Variants in RBFOX1 observed in about 807,000 individuals in gnomAD.
RBFOX1 encodes the protein RNA binding protein fox-1 homolog 1.
In RBFOX1, 8 loss-of-function variants were observed where a neutral mutation model predicts 57.7. The ratio of observed to expected loss-of-function variants is 0.14; its 90% CI spans 0.08 to 0.25. The LOEUF is 0.25. Among genes scored for constraint, RBFOX1 ranks in the 10% least tolerant of loss-of-function variants. RBFOX1 has a pLI of 1.00. For synonymous variants in RBFOX1, 326 were observed against 222.4 expected (o/e 1.47, Z -4.15); for missense variants, 611 against 548.5 (o/e 1.11, Z -1.14).
chr16:5,524,772 C>G (rs941016995), intron 2 of RBFOX1, among the ~76,000 whole-genome samples: 13 of 152,016 alleles, frequency 8.6e-5, no homozygotes, highest in South Asian at 4.2e-4. Flanking sequence ...AACTCCTGAC[C>G]TCAAGTAATC....
At chr16:7,394,888 G>A (rs960835946) in intron 4 of RBFOX1, among the ~76,000 whole-genome samples, 9 of 151,950 alleles carry the variant, frequency 5.9e-5, no homozygotes, top group East Asian at 1.9e-4. Flanking sequence ...CCTCCTTGCC[G>A]TCCCCTGCAG....
At chr16:5,439,178 G>C (rs953428433) in intron 1 of RBFOX1, among the ~76,000 whole-genome samples, 1 of 152,052 alleles carries the variant, frequency 6.6e-6, no homozygotes, top group Non-Finnish European at 1.5e-5. Context: ...CTGTGCAGCT[G>C]GGCCCTGGTG....
intron 4 of RBFOX1, among the ~76,000 whole-genome samples, chr16:7,394,886 C>G (rs1370487122): frequency 6.6e-6 from 1 of 152,326 alleles, no homozygotes; most frequent in South Asian, 2.1e-4. Context: ...ACCCTCCTTG[C>G]CGTCCCCTGC....
At chr16:7,702,353 C>A (rs889991148) in intron 14 of RBFOX1, among the ~76,000 whole-genome samples, 1 of 152,204 alleles carries the variant, frequency 6.6e-6, no homozygotes, top group Non-Finnish European at 1.5e-5. Context: ...TCTGACCCCA[C>A]AGAATCCCCA....
intron 2 of RBFOX1, among the ~76,000 whole-genome samples, chr16:6,326,033 T>C (rs2082331141): frequency 6.6e-6 from 1 of 152,228 alleles, no homozygotes; most frequent in Non-Finnish European, 1.5e-5. Flanking sequence ...TGTGTGTGTG[T>C]GTACATGCAT....
chr16:6,618,018 C>T (rs2098168718), intron 2 of RBFOX1, among the ~76,000 whole-genome samples: 1 of 152,114 alleles, frequency 6.6e-6, no homozygotes, highest in East Asian at 1.9e-4. Context: ...CTGGCAAATA[C>T]CTCCTCATAT....
intron 3 of RBFOX1, among the ~76,000 whole-genome samples, chr16:6,700,564 A>T (rs2061671779): frequency 1.3e-5 from 2 of 152,102 alleles, no homozygotes; most frequent in African/African-American, 2.4e-5. Flanking sequence ...AGGCTGAGGC[A>T]AGAGAATTGC....
intron 2 of RBFOX1, among the ~76,000 whole-genome samples, chr16:6,358,276 T>C (rs1025413046): frequency 4.6e-5 from 7 of 152,194 alleles, no homozygotes; most frequent in African/African-American, 1.2e-4. Context: ...CATCATGTAA[T>C]TTTCCAGTAC....
At chr16:6,722,674 C>T (rs989473935) in intron 3 of RBFOX1, among the ~76,000 whole-genome samples, 6 of 152,168 alleles carry the variant, frequency 3.9e-5, no homozygotes, top group Admixed American at 3.9e-4. Context: ...GGCTAAAATT[C>T]TGTGTCTCTC....
chr16:5,906,163 TGGTG>T (rs2058450291), intron 4 of RBFOX1, among the ~76,000 whole-genome samples: 1 of 152,180 alleles, frequency 6.6e-6, no homozygotes, highest in Non-Finnish European at 1.5e-5. Flanking sequence ...TCCCCCAGAC[TGGTG>T]AAGTCCTAGG....
chr16:7,665,258 C>A (rs2068897504), intron 13 of RBFOX1, among the ~76,000 whole-genome samples: 1 of 152,136 alleles, frequency 6.6e-6, no homozygotes, highest in African/African-American at 2.4e-5. Flanking sequence ...CCCACTTCAC[C>A]CACAAAGAAA....
intron 14 of RBFOX1, among the ~76,000 whole-genome samples, chr16:7,702,365 G>C (rs998300674): frequency 6.6e-6 from 1 of 152,146 alleles, no homozygotes; most frequent in African/African-American, 2.4e-5. Context: ...GAATCCCCAA[G>C]AAGCTGAGGG....
chr16:5,871,583 C>T (rs1190900439), intron 4 of RBFOX1, among the ~76,000 whole-genome samples: 1 of 152,134 alleles, frequency 6.6e-6, no homozygotes. Context: ...AACGAAGTTA[C>T]CTGGGCGCAG....
chr16:7,173,996 A>G (rs1015687653), intron 4 of RBFOX1, among the ~76,000 whole-genome samples: 8 of 152,344 alleles, frequency 5.3e-5, no homozygotes, highest in East Asian at 1.9e-4. Flanking sequence ...AGTTCAGTCA[A>G]TCACAGTGAA....
At chr16:6,113,034 C>A (rs969544994) in intron 1 of RBFOX1, among the ~76,000 whole-genome samples, 1 of 152,144 alleles carries the variant, frequency 6.6e-6, no homozygotes, top group Non-Finnish European at 1.5e-5. Context: ...GTGTAACAAA[C>A]CATCCTAAAG....
At chr16:5,276,851 A>G (rs189779357) in intron 1 of RBFOX1, among the ~76,000 whole-genome samples, 2 of 152,344 alleles carry the variant, frequency 1.3e-5, no homozygotes, top group East Asian at 3.9e-4. Flanking sequence ...GTGGGAATGT[A>G]AGCTAGTACC....
At chr16:7,325,152 T>C (rs550245406) in intron 4 of RBFOX1, among the ~76,000 whole-genome samples, 2 of 152,224 alleles carry the variant, frequency 1.3e-5, no homozygotes, top group African/African-American at 2.4e-5. Flanking sequence ...GTTGTCACTA[T>C]GACAACTATC....
chr16:6,623,012 C>T (rs932769888), intron 2 of RBFOX1, among the ~76,000 whole-genome samples: 2 of 152,164 alleles, frequency 1.3e-5, no homozygotes, highest in Non-Finnish European at 2.9e-5. Flanking sequence ...GAACACACCA[C>T]ATCTTTTACA....
chr16:6,117,886 C>G (rs1015719666), intron 1 of RBFOX1, among the ~76,000 whole-genome samples: 4 of 152,116 alleles, frequency 2.6e-5, no homozygotes, highest in Non-Finnish European at 2.9e-5. Context: ...TTCCCACCAC[C>G]ATGATTAAAT....
Sources: allele counts gnomAD v4.1 joint callset (sites outside exome capture counted in the v4.1 genomes callset), GRCh38; gene constraint gnomAD v4.1.1; transcripts MANE v1.5; gene names NCBI Gene and HGNC (gene_info 2026-07-23, HGNC 2026-07-21).